KCNE1: variants seen among roughly 807,000 people sequenced by gnomAD.
The protein encoded by KCNE1 is potassium voltage-gated channel subfamily E member 1.
KCNE1 carries 1 observed loss-of-function variant against 2.9 expected under a neutral mutation model. The observed-to-expected ratio is 0.34, with a 90% confidence interval of 0.12 to 1.62. The LOEUF (loss-of-function observed/expected upper bound fraction) is 1.62, where lower values mean the gene tolerates loss of function less well. Among genes scored for constraint, KCNE1 ranks in the 40% most tolerant of loss-of-function variants. The probability of loss-of-function intolerance (pLI) is 0.36; values close to 1 mark genes in which losing one functional copy is unlikely to be tolerated. For synonymous variants in KCNE1, 23 were observed against 65.4 expected (o/e 0.35, Z 3.13); for missense variants, 45 against 150.5 (o/e 0.30, Z 3.67).
intron 2 of KCNE1, among the ~76,000 whole-genome samples, chr21:34,505,926 G>T (rs969368376): frequency 6.6e-6 from 1 of 152,216 alleles, no homozygotes; most frequent in Non-Finnish European, 1.5e-5. Flanking sequence ...CAACTTATAT[G>T]ACACAGCAAG....
intron 2 of KCNE1, among the ~76,000 whole-genome samples, chr21:34,502,213 G>A (rs933484995): frequency 6.6e-6 from 1 of 152,062 alleles, no homozygotes; most frequent in African/African-American, 2.4e-5. Context: ...TTGGTAGAAG[G>A]GTAGTCTACT....
intron 2 of KCNE1, among the ~76,000 whole-genome samples, chr21:34,500,817 T>C (rs1277075168): frequency 6.6e-6 from 1 of 152,244 alleles, no homozygotes; most frequent in Non-Finnish European, 1.5e-5. Context: ...TTTTTTATTC[T>C]TCTTTCTTAT....
rs183493933 is a variant in KCNE1 at position 34,511,007 on chromosome 21, C to T, written c.-162+94G>A. ...AGCCTGGCACCTGTCAATGGATGAG[C>T]GCCTCTCCCTTAGCCTGATGTCAGG... is the stretch of plus-strand genomic sequence containing the variant. On this transcript the variant is annotated intron_variant, in intron 2 of 3. Transcript: ENST00000399286. The T allele has an allele frequency of 1.4e-4, 46 of 334,394 alleles. No homozygotes were observed. The East Asian group carries it at 2.6e-3, about 19-fold the overall frequency. The allele number at this position is 334,394 out of a possible 1,614,324, so 20.7% of individuals were successfully genotyped here.
intron 2 of KCNE1, among the ~76,000 whole-genome samples, chr21:34,496,974 T>C (rs1568859036): frequency 1.3e-5 from 2 of 152,356 alleles, no homozygotes; most frequent in African/African-American, 4.8e-5. Flanking sequence ...GATATAAGAA[T>C]AGCTACTCCT....
intron 2 of KCNE1, among the ~76,000 whole-genome samples, chr21:34,505,486 T>C (rs766150442): frequency 1.1e-4 from 17 of 152,014 alleles, no homozygotes; most frequent in Non-Finnish European, 2.1e-4. Context: ...AACACTTTGT[T>C]ACCTGGGAGG....
chr21:34,510,202 C>A (rs1419894116), intron 2 of KCNE1: 2 of 152,684 alleles, frequency 1.3e-5, no homozygotes, highest in East Asian at 3.9e-4. Flanking sequence ...TCCAAACTCA[C>A]AACTTTATTC....
chr21:34,496,312 A>G (rs908120090), intron 2 of KCNE1, among the ~76,000 whole-genome samples: 1 of 152,084 alleles, frequency 6.6e-6, no homozygotes, highest in Non-Finnish European at 1.5e-5. Context: ...TGACCTCGTG[A>G]TCCACCCGCC....
rs1437759168 is a variant in KCNE1 at position 34,511,230 on chromosome 21, T to A, written c.-291A>T. ...AGTTATCCTTCTGGTCTCTTCCTCC[T>A]GAGCACGGTTCTCCTGGTTGAGCTC... On this transcript the variant is annotated 5_prime_UTR_variant, in exon 2 of 4. Transcript: ENST00000399286. The A allele has an allele frequency of 1.0e-6, 1 of 985,670 alleles. No homozygotes were observed. The highest frequency in any genetic ancestry group is 1.2e-6 in the Non-Finnish European group (1 of 830,070). 61.1% of individuals were successfully genotyped at this position (985,670 alleles called of 1,614,324 possible).
At chr21:34,508,437 G>T (rs1319164313) in intron 2 of KCNE1, among the ~76,000 whole-genome samples, 1 of 152,116 alleles carries the variant, frequency 6.6e-6, no homozygotes, top group Non-Finnish European at 1.5e-5. Context: ...CCACCTCCTG[G>T]ATTCAAGCAA....
At chr21:34,507,895 G>T (rs572175866) in intron 2 of KCNE1, among the ~76,000 whole-genome samples, 1 of 152,318 alleles carries the variant, frequency 6.6e-6, no homozygotes, top group African/African-American at 2.4e-5. Flanking sequence ...GGCACACAAA[G>T]AGCTTAACAC....
chr21:34,506,863 A>C (rs1180069925), intron 2 of KCNE1, among the ~76,000 whole-genome samples: 2 of 152,188 alleles, frequency 1.3e-5, no homozygotes, highest in African/African-American at 4.8e-5. Context: ...AGCAGATGTC[A>C]GGCAAAGCTT....
chr21:34,499,836 T>C (rs185641979), intron 2 of KCNE1, among the ~76,000 whole-genome samples: 47 of 152,296 alleles, frequency 3.1e-4, no homozygotes, highest in East Asian at 1.7e-3. Context: ...ATTATTTTGG[T>C]TTTCCTGGTA....
chr21:34,502,389 CT>C (rs1184422629), intron 2 of KCNE1, among the ~76,000 whole-genome samples: 1 of 152,212 alleles, frequency 6.6e-6, no homozygotes, highest in Non-Finnish European at 1.5e-5. Flanking sequence ...AGGAACTGGC[CT>C]GAAAATGACT....
intron 2 of KCNE1, among the ~76,000 whole-genome samples, chr21:34,496,539 C>T (rs8128964): frequency 0.011 from 1,673 of 152,108 alleles, 53 homozygotes; most frequent in East Asian, 0.1. Context: ...GGTATAATTT[C>T]AGTTTTCTTA....
chr21:34,508,285 T>C (rs1369430980), intron 2 of KCNE1, among the ~76,000 whole-genome samples: 1 of 151,978 alleles, frequency 6.6e-6, no homozygotes, highest in East Asian at 1.9e-4. Flanking sequence ...GCCTCGGCTT[T>C]CCAAAGTGCT....
chr21:34,500,793 G>C (rs919128083), intron 2 of KCNE1, among the ~76,000 whole-genome samples: 2 of 152,128 alleles, frequency 1.3e-5, no homozygotes, highest in Non-Finnish European at 2.9e-5. Flanking sequence ...TTCCATAGTG[G>C]TTAATGGCAG....
At chr21:34,499,866 A>C (rs1053197920) in intron 2 of KCNE1, among the ~76,000 whole-genome samples, 1 of 152,226 alleles carries the variant, frequency 6.6e-6, no homozygotes, top group Non-Finnish European at 1.5e-5. Flanking sequence ...GGTCGTTCTT[A>C]GAACAAAAGT....
At chr21:34,450,176 G>C (rs1329541762) in intron 3 of KCNE1, among the ~76,000 whole-genome samples, 2 of 72,112 alleles carry the variant, frequency 2.8e-5, no homozygotes, top group East Asian at 1.2e-3. Flanking sequence ...CACTGCTGTG[G>C]CTGCTGACTC....
chr21:34,497,950 T>C (rs1462404557), intron 2 of KCNE1, among the ~76,000 whole-genome samples: 4 of 152,258 alleles, frequency 2.6e-5, no homozygotes, highest in African/African-American at 9.6e-5. Flanking sequence ...TCTGAAGTTC[T>C]TTCGTCTGCT....
Sources: allele counts gnomAD v4.1 joint callset (sites outside exome capture counted in the v4.1 genomes callset), GRCh38; gene constraint gnomAD v4.1.1; transcripts MANE v1.5; gene names NCBI Gene and HGNC (gene_info 2026-07-23, HGNC 2026-07-21).